ZFHX3: variants seen among roughly 807,000 people sequenced by gnomAD.
The protein encoded by ZFHX3 is zinc finger homeobox protein 3.
A neutral mutation model predicts 279.1 loss-of-function variants in ZFHX3; 42 were observed. The observed-to-expected ratio is 0.15, with a 90% confidence interval of 0.12 to 0.19. ZFHX3 has a LOEUF of 0.19. Ranked by LOEUF, ZFHX3 falls within the 10% of genes least tolerant of loss-of-function variation. The probability of loss-of-function intolerance (pLI) is 1.00; values close to 1 mark genes in which losing one functional copy is unlikely to be tolerated. For missense variants in ZFHX3, 4,981 were observed against 4,754.0 expected, an observed-to-expected ratio of 1.05 and a Z score of -1.40; for synonymous variants, 2,293 against 1,957.8, an observed-to-expected ratio of 1.17 and a Z score of -4.52.
chr16:73,409,913 C>A (rs1256356223), intron 3 of ZFHX3, among the ~76,000 whole-genome samples: 4 of 137,920 alleles, frequency 2.9e-5, no homozygotes, highest in Non-Finnish European at 6.1e-5. Context: ...AAATGAACAA[C>A]AATTGAACTC....
At chr16:73,149,579 C>T (rs1225195864) in intron 5 of ZFHX3, among the ~76,000 whole-genome samples, 4 of 152,126 alleles carry the variant, frequency 2.6e-5, no homozygotes, top group African/African-American at 4.8e-5. Context: ...CGGCACTTTG[C>T]GTTGGTGTTT....
Position 73,403,220 on chromosome 16 carries a change from G to A in ZFHX3, c.-1291+52783C>T, listed in dbSNP as rs142146600. 3.8e-3 allele frequency among the ~76,000 whole-genome samples: 583 copies of A among 152,352 alleles called. 3 individuals are homozygous for A. Among genetic ancestry groups the A allele is most frequent in the African/African-American group, 0.013 (560 of 41,586 alleles). ...CCGTTGCAGTAATTGGTTTGTTTGT[G>A]TGGAGCAGGAAGAAGGGGCAGTGGG... On this transcript the variant is annotated intron_variant, in intron 3 of 17. Transcript: ENST00000641206.
chr16:73,155,668 A>T (rs1387159835), intron 5 of ZFHX3, among the ~76,000 whole-genome samples: 1 of 152,056 alleles, frequency 6.6e-6, no homozygotes, highest in Non-Finnish European at 1.5e-5. Context: ...ACTAAAAATT[A>T]AAAAATTAGC....
chr16:73,238,537 G>A (rs1379239471), intron 5 of ZFHX3, among the ~76,000 whole-genome samples: 1 of 151,610 alleles, frequency 6.6e-6, no homozygotes, highest in Non-Finnish European at 1.5e-5. Context: ...TATTTTCCTA[G>A]TGGCTTTTCC....
chr16:73,593,836 A>C (rs920199470), intron 2 of ZFHX3, among the ~76,000 whole-genome samples: 1 of 152,246 alleles, frequency 6.6e-6, no homozygotes, highest in Non-Finnish European at 1.5e-5. Flanking sequence ...GAACTTGATA[A>C]AACTCAAATC....
intron 2 of ZFHX3, among the ~76,000 whole-genome samples, chr16:73,513,906 A>G (rs1464485498): frequency 6.6e-6 from 1 of 152,124 alleles, no homozygotes; most frequent in African/African-American, 2.4e-5. Flanking sequence ...ATGCCAGATG[A>G]TTAGTTTCAG....
At chr16:72,992,618 T>A (rs948001393) in intron 1 of ZFHX3, among the ~76,000 whole-genome samples, 1 of 152,158 alleles carries the variant, frequency 6.6e-6, no homozygotes, top group African/African-American at 2.4e-5. Flanking sequence ...ACATTTCTCA[T>A]GGAGGCCAGC....
intron 2 of ZFHX3, among the ~76,000 whole-genome samples, chr16:73,603,967 T>C (rs770104192): frequency 4.6e-5 from 7 of 151,772 alleles, no homozygotes; most frequent in Non-Finnish European, 1.0e-4. Flanking sequence ...CCAGTAGAGA[T>C]AGTGTTTCTC....
intron 3 of ZFHX3, among the ~76,000 whole-genome samples, chr16:73,331,769 T>C (rs1350985886): frequency 1.3e-5 from 2 of 152,198 alleles, no homozygotes; most frequent in African/African-American, 4.8e-5. Context: ...TATGTCAACA[T>C]TTAAAAACAA....
chr16:73,029,472 A>G (rs1159903156), intron 1 of ZFHX3, among the ~76,000 whole-genome samples: 1 of 152,204 alleles, frequency 6.6e-6, no homozygotes, highest in African/African-American at 2.4e-5. Context: ...TGGATATTTT[A>G]TTTAAAAACT....
At chr16:73,098,453 C>G (rs1966193919) in intron 7 of ZFHX3, among the ~76,000 whole-genome samples, 1 of 152,172 alleles carries the variant, frequency 6.6e-6, no homozygotes, top group Non-Finnish European at 1.5e-5. Flanking sequence ...CCTCTACCTC[C>G]TGGGTTCAAG....
At chr16:72,829,539 G>A in intron 5 of ZFHX3, 1 of 484,534 alleles carries the variant, frequency 2.1e-6, no homozygotes, top group East Asian at 3.0e-5. Flanking sequence ...AGCTGGCTTT[G>A]GTGCCACTTA....
At chr16:73,279,711 G>T (rs2014408165) in intron 4 of ZFHX3, among the ~76,000 whole-genome samples, 1 of 152,064 alleles carries the variant, frequency 6.6e-6, no homozygotes, top group Non-Finnish European at 1.5e-5. Flanking sequence ...AGCAGAACAG[G>T]CTGAAGACAT....
At chr16:73,779,011 T>C (rs1199631318) in intron 1 of ZFHX3, among the ~76,000 whole-genome samples, 1 of 152,184 alleles carries the variant, frequency 6.6e-6, no homozygotes, top group Non-Finnish European at 1.5e-5. Context: ...ATTCATCTGC[T>C]CTAGAATAAG....
chr16:73,008,997 C>T (rs1963816753), intron 1 of ZFHX3, among the ~76,000 whole-genome samples: 1 of 151,612 alleles, frequency 6.6e-6, no homozygotes. Flanking sequence ...TATTTTGAAA[C>T]CTAAATGTCA....
intron 4 of ZFHX3, among the ~76,000 whole-genome samples, chr16:72,845,108 C>A (rs1170120193): frequency 1.3e-5 from 2 of 152,128 alleles, no homozygotes; most frequent in Non-Finnish European, 2.9e-5. Context: ...GTGCGGACAC[C>A]AGAGGCTTGC....
chr16:73,333,804 C>A (rs77519544), intron 3 of ZFHX3, among the ~76,000 whole-genome samples: 2,321 of 26,876 alleles, frequency 0.086, 93 homozygotes, highest in African/African-American at 0.22. Flanking sequence ...CCCCAAGAGA[C>A]CAAAAAAAAA....
At chr16:73,491,869 C>T (rs922764799) in intron 2 of ZFHX3, among the ~76,000 whole-genome samples, 2 of 152,106 alleles carry the variant, frequency 1.3e-5, no homozygotes, top group African/African-American at 2.4e-5. Context: ...AACTGTGAAT[C>T]GTCAGTGTTG....
intron 7 of ZFHX3, among the ~76,000 whole-genome samples, chr16:73,112,742 A>AG (rs1966391487): frequency 6.7e-6 from 1 of 148,712 alleles, no homozygotes; most frequent in Non-Finnish European, 1.5e-5. Flanking sequence ...AAAAAAAAAA[A>AG]GTAAGTGCTT....
Sources: gnomAD v4.1 joint callset for allele counts (sites outside exome capture counted in the v4.1 genomes callset) on GRCh38, gnomAD v4.1.1 for gene constraint, MANE v1.5 for transcripts, NCBI Gene and HGNC (gene_info 2026-07-23, HGNC 2026-07-21) for gene names.